The following RPTOR variants were observed in gnomAD, a reference collection of about 807,000 sequenced individuals.
The protein encoded by RPTOR is regulatory-associated protein of mTOR.
In RPTOR, 21 loss-of-function variants were observed where a neutral mutation model predicts 169.9. That is an observed-to-expected ratio of 0.12 (90% CI 0.09 to 0.18). The LOEUF is 0.18. Among genes scored for constraint, RPTOR ranks in the 10% least tolerant of loss-of-function variants. The pLI, the probability that RPTOR is intolerant of heterozygous loss-of-function variation, is 1.00. For missense variants in RPTOR, 1,133 were observed against 1,855.9 expected, an observed-to-expected ratio of 0.61 and a Z score of 7.16; for synonymous variants, 732 against 753.2, an observed-to-expected ratio of 0.97 and a Z score of 0.46.
intron 2 of RPTOR, among the ~76,000 whole-genome samples, chr17:80,642,038 T>C (rs1884341304): frequency 6.6e-6 from 1 of 152,200 alleles, no homozygotes; most frequent in Non-Finnish European, 1.5e-5. Context: ...CAACTGACAG[T>C]GTTTGTTTCC....
intron 1 of RPTOR, among the ~76,000 whole-genome samples, chr17:80,567,445 G>A (rs1371105499): frequency 6.6e-6 from 1 of 151,994 alleles, no homozygotes; most frequent in Non-Finnish European, 1.5e-5. Context: ...TGCTATCAAT[G>A]TCATACATTT....
chr17:80,755,738 CAA>C (rs77078803), intron 6 of RPTOR, among the ~76,000 whole-genome samples: 7 of 80,226 alleles, frequency 8.7e-5, no homozygotes, highest in Non-Finnish European at 9.8e-5. Flanking sequence ...GACCCTGTCT[CAA>C]AAAAAAAAAA....
intron 11 of RPTOR, among the ~76,000 whole-genome samples, chr17:80,847,453 T>TA (rs891287753): frequency 3.3e-5 from 5 of 152,242 alleles, no homozygotes; most frequent in Middle Eastern, 3.2e-3. Flanking sequence ...CAAAGGAGTT[T>TA]AAAATCCACT....
At chr17:80,617,201 G>A (rs1285015252) in intron 1 of RPTOR, among the ~76,000 whole-genome samples, 1 of 152,178 alleles carries the variant, frequency 6.6e-6, no homozygotes, top group Non-Finnish European at 1.5e-5. Context: ...AATCACTCAT[G>A]ACATCTTGTG....
At chr17:80,635,867 A>T (rs1357820728) in intron 2 of RPTOR, among the ~76,000 whole-genome samples, 2 of 152,004 alleles carry the variant, frequency 1.3e-5, no homozygotes, top group Non-Finnish European at 2.9e-5. Context: ...GGAGTGGGGT[A>T]CTAGTGTTGG....
intron 1 of RPTOR, among the ~76,000 whole-genome samples, chr17:80,616,428 A>G (rs1051917067): frequency 2.7e-5 from 4 of 148,660 alleles, no homozygotes; most frequent in South Asian, 2.1e-4. Flanking sequence ...TCTCCCGAGT[A>G]GCTGGGATTA....
chr17:80,632,358 T>C (rs1465404052), intron 2 of RPTOR, among the ~76,000 whole-genome samples: 1 of 152,218 alleles, frequency 6.6e-6, no homozygotes, highest in African/African-American at 2.4e-5. Context: ...CCTTCGGGGT[T>C]GTGTAGGTGT....
chr17:80,720,631 T>C (rs541463651), intron 4 of RPTOR, among the ~76,000 whole-genome samples: 1 of 152,204 alleles, frequency 6.6e-6, no homozygotes, highest in Non-Finnish European at 1.5e-5. Context: ...TGCCAAGAGA[T>C]ACAAAACCTG....
intron 1 of RPTOR, among the ~76,000 whole-genome samples, chr17:80,559,511 A>T (rs1176827377): frequency 6.6e-6 from 1 of 152,178 alleles, no homozygotes; most frequent in Non-Finnish European, 1.5e-5. Flanking sequence ...TGGCATTGAG[A>T]AGCCACGAAC....
At chr17:80,745,868 T>C (rs2066567962) in intron 5 of RPTOR, among the ~76,000 whole-genome samples, 1 of 152,146 alleles carries the variant, frequency 6.6e-6, no homozygotes, top group African/African-American at 2.4e-5. Context: ...ACGTTTTATT[T>C]AGAAAATGTG....
At chr17:80,896,469 C>G (rs764877545) in intron 20 of RPTOR, among the ~76,000 whole-genome samples, 1 of 23,362 alleles carries the variant, frequency 4.3e-5, no homozygotes, top group African/African-American at 1.1e-4. Flanking sequence ...ACGGCCGCAC[C>G]GACACATCCC....
At chr17:80,661,351 C>A (rs9906377) in intron 3 of RPTOR, among the ~76,000 whole-genome samples, 10 of 152,112 alleles carry the variant, frequency 6.6e-5, no homozygotes, top group African/African-American at 2.4e-4. Flanking sequence ...GAGTCGGAGC[C>A]GGAGAGGCAG....
At chr17:80,670,911 T>A (rs914450933) in intron 3 of RPTOR, among the ~76,000 whole-genome samples, 1 of 152,052 alleles carries the variant, frequency 6.6e-6, no homozygotes, top group African/African-American at 2.4e-5. Flanking sequence ...GAGCACACGC[T>A]CGTCCTTGTT....
chr17:80,641,301 C>G (rs116918902), intron 2 of RPTOR, among the ~76,000 whole-genome samples: 4,581 of 152,304 alleles, frequency 0.03, 97 homozygotes, highest in South Asian at 0.063. Context: ...TTTTACCAAG[C>G]TTTTCTCAGC....
intron 7 of RPTOR, among the ~76,000 whole-genome samples, chr17:80,821,735 C>T (rs2067381134): frequency 6.6e-6 from 1 of 152,220 alleles, no homozygotes; most frequent in South Asian, 2.1e-4. Context: ...TCGCAGGTAT[C>T]AGCTGCGTGT....
At position 80,923,517 on chromosome 17, in the gene RPTOR, C is replaced by G. The variant is rs1242169113; in HGVS notation, c.2652C>G (p.Ser884Arg). 6 of 1,613,400 alleles carry G rather than the reference C, an allele frequency of 3.7e-6. No homozygotes were observed. The highest frequency in any genetic ancestry group is 5.1e-6 in the Non-Finnish European group (6 of 1,179,982). ...AGGSPPASST[S>R]SSSLTNDVAK... ...GCTCCCCTCCGGCGTCCAGCACCAG[C>G]AGCTCCAGCCTGACCAACGATGTGG... Residue 884 changes from serine to arginine, a missense_variant, in exon 23 of 34, where the codon AGC (serine) becomes AGG (arginine). Ser to Arg is a moderately radical substitution (Grantham distance 110). This residue lies in a region of RPTOR where 123 missense variants were observed against 129.0 expected (regional missense o/e 0.95). Coordinates refer to ENST00000306801, the MANE Select transcript of RPTOR (RefSeq NM_020761.3).
intron 11 of RPTOR, among the ~76,000 whole-genome samples, chr17:80,846,969 G>A (rs1223929047): frequency 1.3e-5 from 2 of 152,222 alleles, no homozygotes; most frequent in African/African-American, 2.4e-5. Flanking sequence ...GCAGGCTCTC[G>A]ACACCACTGC....
intron 3 of RPTOR, among the ~76,000 whole-genome samples, chr17:80,675,776 C>T (rs891010456): frequency 6.6e-6 from 1 of 152,226 alleles, no homozygotes; most frequent in African/African-American, 2.4e-5. Flanking sequence ...CAGAACGTGC[C>T]CCTGCCTGCT....
At chr17:80,910,075 C>G (rs1036728915) in intron 21 of RPTOR, among the ~76,000 whole-genome samples, 1 of 152,150 alleles carries the variant, frequency 6.6e-6, no homozygotes, top group Non-Finnish European at 1.5e-5. Context: ...TAGTCAAAGA[C>G]CCCAGGGGCC....
Sources: allele counts gnomAD v4.1 joint callset (sites outside exome capture counted in the v4.1 genomes callset), GRCh38; gene constraint gnomAD v4.1.1; regional missense constraint gnomAD v4.1.1; transcripts MANE v1.5; gene names NCBI Gene and HGNC (gene_info 2026-07-23, HGNC 2026-07-21).